The following ARHGAP20 variants were observed in gnomAD, a reference collection of about 807,000 sequenced individuals.
ARHGAP20 encodes Rho GTPase activating protein 20.
In ARHGAP20, 34 loss-of-function variants were observed where a neutral mutation model predicts 73.7. The observed-to-expected ratio is 0.46, with a 90% CI of 0.35 to 0.61. The LOEUF (loss-of-function observed/expected upper bound fraction) is 0.61. ARHGAP20 is among the 20% of genes least tolerant of loss of function. ARHGAP20 has a pLI of 0.00. For synonymous variants in ARHGAP20, 523 were observed against 518.2 expected, an observed-to-expected ratio of 1.01 and a Z score of -0.13; for missense variants, 1,314 against 1,420.9, an observed-to-expected ratio of 0.92 and a Z score of 1.21.
intron 2 of ARHGAP20, among the ~76,000 whole-genome samples, chr11:110,649,695 A>G (rs1181098221): frequency 6.6e-6 from 1 of 152,126 alleles, no homozygotes; most frequent in Admixed American, 6.6e-5. Context: ...TGTAGAATAA[A>G]AAGATGTGTG....
At chr11:110,597,082 T>G (rs1020258513) in intron 9 of ARHGAP20, among the ~76,000 whole-genome samples, 1 of 136,668 alleles carries the variant, frequency 7.3e-6, no homozygotes, top group Non-Finnish European at 1.5e-5. Context: ...TAGGTGGGAA[T>G]TGAACAATGA....
At chr11:110,612,526 T>C (rs1366268838) in intron 6 of ARHGAP20, among the ~76,000 whole-genome samples, 2 of 151,974 alleles carry the variant, frequency 1.3e-5, no homozygotes, top group African/African-American at 4.8e-5. Context: ...TATTTAAATA[T>C]AAAACAATGC....
Position 110,579,458 on chromosome 11 carries a change from G to C in ARHGAP20, c.3488C>G (p.Ser1163Cys). The C allele has an allele frequency of 6.2e-7, 1 of 1,614,146 alleles. No homozygotes were observed. The highest frequency in any genetic ancestry group is 8.5e-7 in the Non-Finnish European group (1 of 1,180,026). Reference protein sequence around the residue: ...SLPWERASASSWTLEDATSPD... With the variant: ...SLPWERASASCWTLEDATSPD... ...GCTGGTCGCATCCTCTAGAGTCCAA[G>C]AGCTGGCTGAGGCTCTTTCCCAAGG... Residue 1163 changes from serine to cysteine, a missense_variant, in exon 15 of 15, where the codon TCT becomes TGT. By Grantham distance (112) the Ser-to-Cys change is moderately radical (BLOSUM62 -1). Transcript: ENST00000683387.
At chr11:110,691,509 C>T (rs1255179481) in intron 1 of ARHGAP20, among the ~76,000 whole-genome samples, 2 of 152,152 alleles carry the variant, frequency 1.3e-5, no homozygotes, top group Non-Finnish European at 2.9e-5. Context: ...CTAGGCCAGT[C>T]ATGCTTGGGA....
chr11:110,688,282 C>G (rs139667687), intron 2 of ARHGAP20, among the ~76,000 whole-genome samples: 3,277 of 152,002 alleles, frequency 0.022, 39 homozygotes, highest in Non-Finnish European at 0.036. Flanking sequence ...CCCTCCTCCC[C>G]CCGCCCCCAA....
At chr11:110,648,228 T>TGTAA (rs1247892320) in intron 2 of ARHGAP20, among the ~76,000 whole-genome samples, 14 of 81,842 alleles carry the variant, frequency 1.7e-4, no homozygotes, top group African/African-American at 8.3e-4. Context: ...TATGTATATA[T>TGTAA]ATATATATGT....
chr11:110,621,700 G>C (rs1038458491), intron 4 of ARHGAP20, among the ~76,000 whole-genome samples: 7 of 151,844 alleles, frequency 4.6e-5, no homozygotes, highest in African/African-American at 1.2e-4. Context: ...ACTTATGAAA[G>C]CTGTTTTAAA....
intron 9 of ARHGAP20, among the ~76,000 whole-genome samples, chr11:110,594,077 C>G (rs1229656356): frequency 6.6e-6 from 1 of 152,216 alleles, no homozygotes; most frequent in African/African-American, 2.4e-5. Context: ...AAGAAGTCTT[C>G]TATATTGTTG....
intron 2 of ARHGAP20, among the ~76,000 whole-genome samples, chr11:110,632,922 C>T (rs1234484708): frequency 1.3e-5 from 2 of 152,080 alleles, no homozygotes; most frequent in Non-Finnish European, 2.9e-5. Context: ...ATATTTTCTC[C>T]TAGTCTGTTG....
rs903971699 is a variant in ARHGAP20 at position 110,701,493 on chromosome 11, G to C, written c.105+10634C>G. On this transcript the variant is annotated intron_variant, in intron 1 of 14. Coordinates refer to ENST00000683387, the MANE Select transcript of ARHGAP20 (RefSeq NM_001384657.1). Reference sequence around the variant, plus strand: ...GATTCTGGATATTAGCCCTTTGTCAGATGAGTAGGTTGCGAAAATTTTCTC... The same window carrying C: ...GATTCTGGATATTAGCCCTTTGTCACATGAGTAGGTTGCGAAAATTTTCTC... Among the ~76,000 whole-genome samples the C allele has an allele frequency of 1.9e-4, 28 of 151,216 alleles. No individual in the cohort carries two copies. The East Asian group carries it at 3.7e-3, about 20-fold the overall frequency.
intron 2 of ARHGAP20, among the ~76,000 whole-genome samples, chr11:110,649,825 T>A (rs949587213): frequency 6.6e-6 from 1 of 152,268 alleles, no homozygotes; most frequent in African/African-American, 2.4e-5. Context: ...AGCAGCAGTT[T>A]TGACAGTACT....
At chr11:110,700,836 G>T (rs1435861259) in intron 1 of ARHGAP20, among the ~76,000 whole-genome samples, 2 of 148,706 alleles carry the variant, frequency 1.3e-5, no homozygotes, top group South Asian at 2.1e-4. Context: ...GAGAATATGC[G>T]GTGTTTGGTT....
chr11:110,607,488 T>G (rs992378443), intron 8 of ARHGAP20, among the ~76,000 whole-genome samples: 17 of 152,214 alleles, frequency 1.1e-4, no homozygotes, highest in African/African-American at 3.9e-4. Flanking sequence ...AATTACGTCC[T>G]TTTAGTGTAA....
chr11:110,681,430 G>A (rs1279879587), intron 2 of ARHGAP20, among the ~76,000 whole-genome samples: 1 of 152,138 alleles, frequency 6.6e-6, no homozygotes, highest in African/African-American at 2.4e-5. Flanking sequence ...CAGCATGAGA[G>A]TGGCCTTTAT....
intron 2 of ARHGAP20, among the ~76,000 whole-genome samples, chr11:110,637,255 G>C (rs1948987367): frequency 6.6e-6 from 1 of 151,936 alleles, no homozygotes; most frequent in Non-Finnish European, 1.5e-5. Flanking sequence ...AGAATACTTG[G>C]AATTGTCTAT....
Position 110,712,108 on chromosome 11 carries a change from C to G in ARHGAP20, c.105+19G>C, listed in dbSNP as rs768265335. The G allele has an allele frequency of 2.3e-6, 3 of 1,306,344 alleles. No individual in the cohort carries two copies. The highest frequency in any genetic ancestry group is 2.9e-6 in the Non-Finnish European group (3 of 1,022,558). 80.9% of individuals were successfully genotyped at this position (1,306,344 alleles called of 1,614,324 possible). On this transcript the variant is annotated intron_variant, in intron 1 of 14. Transcript: ENST00000683387. ...GGCTGCGGCGGCGGAGGGCACGGGC[C>G]CCCGCTCAGCGTCCTCACCTTCTTG...
In ARHGAP20 at chr11:110,619,269, AGT is replaced by A. The variant is rs200193548; in HGVS notation, c.504-3677_504-3676del. On this transcript the variant is annotated intron_variant, in intron 4 of 14. Coordinates refer to ENST00000683387, the MANE Select transcript of ARHGAP20 (RefSeq NM_001384657.1). ...AGTGATAGAGTGTATGCAGTGATAG[AGT>A]GTATGCAGTGATAGAGTATATGCAG... Among the ~76,000 whole-genome samples the A allele has an allele frequency of 1.7e-3, 156 of 89,566 alleles. 2 individuals are homozygous for A. Among genetic ancestry groups the A allele is most frequent in the African/African-American group, 6.6e-3 (140 of 21,152 alleles). 58.8% of individuals were successfully genotyped at this position (89,566 alleles called of 152,430 possible).
intron 9 of ARHGAP20, among the ~76,000 whole-genome samples, chr11:110,594,146 A>G (rs555136209): frequency 6.6e-6 from 1 of 152,334 alleles, no homozygotes; most frequent in Admixed American, 6.5e-5. Flanking sequence ...TTAAAAAGCC[A>G]AGTTGTGGGA....
chr11:110,603,561 T>C (rs996551180), intron 9 of ARHGAP20, among the ~76,000 whole-genome samples: 5 of 152,206 alleles, frequency 3.3e-5, no homozygotes, highest in African/African-American at 9.6e-5. Flanking sequence ...CACATACAAA[T>C]GTACAGCAGA....
Sources: gnomAD v4.1 joint callset for allele counts (sites outside exome capture counted in the v4.1 genomes callset) on GRCh38, gnomAD v4.1.1 for gene constraint, MANE v1.5 for transcripts, NCBI Gene and HGNC (gene_info 2026-07-23, HGNC 2026-07-21) for gene names.